MNAT1: variants seen among roughly 807,000 people sequenced by gnomAD.
The protein encoded by MNAT1 is MNAT1 component of CDK activating kinase, also known as CDK-activating kinase assembly factor MAT1.
In MNAT1, 43 loss-of-function variants were observed where a neutral mutation model predicts 42.0. That is an observed-to-expected ratio of 1.02 (90% CI 0.80 to 1.32). The LOEUF is 1.32. MNAT1 is among the 40% of genes most tolerant of loss of function. The pLI is 0.00. For missense variants in MNAT1, 306 were observed against 350.4 expected (o/e 0.87, Z 1.01); for synonymous variants, 118 against 120.0 (o/e 0.98, Z 0.11).
At chr14:60,915,743 G>T (rs528140587) in intron 7 of MNAT1, among the ~76,000 whole-genome samples, 135 of 152,228 alleles carry the variant, frequency 8.9e-4, no homozygotes, top group African/African-American at 3.1e-3. Context: ...TTTGGAATTG[G>T]TACTTTTAAA....
intron 6 of MNAT1, among the ~76,000 whole-genome samples, chr14:60,819,904 G>A (rs2032830389): frequency 6.6e-6 from 1 of 152,016 alleles, no homozygotes; most frequent in African/African-American, 2.4e-5. Flanking sequence ...TATAGTACTT[G>A]GCTTATTGTA....
intron 7 of MNAT1, among the ~76,000 whole-genome samples, chr14:60,908,491 G>C (rs1375016639): frequency 7.2e-6 from 1 of 138,810 alleles, no homozygotes. Context: ...CCCCACAACA[G>C]GCCCCGGTGT....
intron 6 of MNAT1, among the ~76,000 whole-genome samples, chr14:60,864,104 T>C (rs2034154901): frequency 6.6e-6 from 1 of 152,022 alleles, no homozygotes; most frequent in Non-Finnish European, 1.5e-5. Flanking sequence ...TCAGTAAAGA[T>C]GAAATTTGCC....
chr14:60,892,250 T>A lies in MNAT1; in HGVS notation c.809+12415T>A, dbSNP rs552888644. 1.9e-3 allele frequency among the ~76,000 whole-genome samples: 294 copies of A among 152,258 alleles called. 1 individual carries two copies. Among genetic ancestry groups the A allele is most frequent in the African/African-American group, 6.4e-3 (268 of 41,568 alleles). On this transcript the variant is annotated intron_variant, in intron 7 of 7. Transcript: ENST00000261245. Reference sequence around the variant, plus strand: ...CTATCTATTATTGAGAGGGGAGTATTGAAGGCTTTAACTATTATTGTAAAA... The same window carrying A: ...CTATCTATTATTGAGAGGGGAGTATAGAAGGCTTTAACTATTATTGTAAAA...
chr14:60,873,524 A>G (rs2034373118), intron 6 of MNAT1, among the ~76,000 whole-genome samples: 1 of 152,138 alleles, frequency 6.6e-6, no homozygotes, highest in Admixed American at 6.6e-5. Flanking sequence ...GCTGGAGTAC[A>G]GTGGCACAAT....
At chr14:60,762,320 ATATCT>A (rs1169087830) in intron 1 of MNAT1, among the ~76,000 whole-genome samples, 2 of 152,128 alleles carry the variant, frequency 1.3e-5, no homozygotes, top group Non-Finnish European at 2.9e-5. Context: ...CTTTTCTGTA[ATATCT>A]TATGATGGAT....
At chr14:60,880,332 T>C (rs187501378) in intron 7 of MNAT1, among the ~76,000 whole-genome samples, 65 of 152,294 alleles carry the variant, frequency 4.3e-4, no homozygotes, top group African/African-American at 1.5e-3. Flanking sequence ...ATATCCATTC[T>C]GGAAATGAAC....
rs560191788 is a variant in MNAT1, at chr14:60,775,452, A to G, written c.90-20765A>G. Among the ~76,000 whole-genome samples, 13 of 152,298 alleles carry G rather than the reference A, an allele frequency of 8.5e-5. No individual in the cohort carries two copies. In the East Asian group the frequency reaches 2.5e-3, roughly 29 times the overall value. On this transcript the variant is annotated intron_variant, in intron 1 of 7. Transcript: ENST00000261245. Reference sequence around the variant, plus strand: ...TTTTGCTGTGAATGGGAATGGGGAAATTGGGTAGTAGCTGCAAAGGAATGT... The same window carrying G: ...TTTTGCTGTGAATGGGAATGGGGAAGTTGGGTAGTAGCTGCAAAGGAATGT...
chr14:60,796,125 T>A, intron 1 of MNAT1, 92 bp from the exon 2 acceptor site: 1 of 1,103,848 alleles, frequency 9.1e-7, no homozygotes, highest in African/African-American at 1.6e-5. Context: ...TTTTCAAGTC[T>A]CACTCTCCTT....
At chr14:60,899,786 T>TA (rs1312725076) in intron 7 of MNAT1, among the ~76,000 whole-genome samples, 1 of 152,238 alleles carries the variant, frequency 6.6e-6, no homozygotes, top group Non-Finnish European at 1.5e-5. Flanking sequence ...CATTTCGTTT[T>TA]ATTACTTTTT....
chr14:60,772,976 C>T (rs544561825), intron 1 of MNAT1, among the ~76,000 whole-genome samples: 3 of 150,424 alleles, frequency 2.0e-5, no homozygotes, highest in East Asian at 1.9e-4. Context: ...TCTCTGTCGC[C>T]GGGTTGGAGT....
intron 6 of MNAT1, among the ~76,000 whole-genome samples, chr14:60,860,339 TTTTC>T (rs998578125): frequency 1.5e-5 from 2 of 133,602 alleles, no homozygotes; most frequent in Non-Finnish European, 1.5e-5. Context: ...ACTGAGACTT[TTTTC>T]TTTTTCTTTT....
intron 7 of MNAT1, among the ~76,000 whole-genome samples, chr14:60,902,647 C>T (rs908715830): frequency 3.9e-5 from 6 of 152,080 alleles, no homozygotes; most frequent in Non-Finnish European, 5.9e-5. Flanking sequence ...AATCAAACAC[C>T]AATCCTTTTG....
At chr14:60,876,623 GTC>G (rs2034442657) in intron 6 of MNAT1, among the ~76,000 whole-genome samples, 1 of 151,886 alleles carries the variant, frequency 6.6e-6, no homozygotes. Context: ...TCTACTTTCT[GTC>G]TCCATGAATT....
At chr14:60,913,642 G>A (rs570010077) in intron 7 of MNAT1, among the ~76,000 whole-genome samples, 1 of 152,244 alleles carries the variant, frequency 6.6e-6, no homozygotes, top group South Asian at 2.1e-4. Context: ...CAGAACAGTG[G>A]ATATTGGTGA....
intron 7 of MNAT1, among the ~76,000 whole-genome samples, chr14:60,924,154 G>A (rs2035718499): frequency 6.6e-6 from 1 of 152,126 alleles, no homozygotes; most frequent in Admixed American, 6.5e-5. Flanking sequence ...AAACTTCTGA[G>A]ACCAGTAGAT....
chr14:60,923,518 A>C (rs117534467), intron 7 of MNAT1, among the ~76,000 whole-genome samples: 5 of 152,214 alleles, frequency 3.3e-5, no homozygotes, highest in African/African-American at 1.2e-4. Context: ...TTTAAATGAT[A>C]CATGTTTATC....
At chr14:60,766,064 A>G (rs1475683380) in intron 1 of MNAT1, among the ~76,000 whole-genome samples, 1 of 152,192 alleles carries the variant, frequency 6.6e-6, no homozygotes, top group Non-Finnish European at 1.5e-5. Flanking sequence ...TTAAATAACA[A>G]ACTCCACTGG....
At chr14:60,795,856 C>T (rs2031998413) in intron 1 of MNAT1, among the ~76,000 whole-genome samples, 1 of 152,188 alleles carries the variant, frequency 6.6e-6, no homozygotes, top group Non-Finnish European at 1.5e-5. Context: ...GCAGAGGCTT[C>T]TCTTGCCCAG....
Sources: allele counts gnomAD v4.1 joint callset (sites outside exome capture counted in the v4.1 genomes callset), GRCh38; gene constraint gnomAD v4.1.1; transcripts MANE v1.5; gene names NCBI Gene and HGNC (gene_info 2026-07-23, HGNC 2026-07-21).